Variants in MAP2 observed in about 807,000 individuals in gnomAD.
MAP2 encodes the protein microtubule-associated protein 2.
A neutral mutation model predicts 137.6 loss-of-function variants in MAP2; 14 were observed. The observed-to-expected ratio is 0.10, with a 90% CI of 0.07 to 0.16. The LOEUF (loss-of-function observed/expected upper bound fraction) is 0.16, where lower values mean the gene tolerates loss of function less well. Ranked by LOEUF, MAP2 falls within the 10% of genes least tolerant of loss-of-function variation. The pLI, the probability that MAP2 is intolerant of heterozygous loss-of-function variation, is 1.00. For missense variants in MAP2, 2,088 were observed against 2,191.5 expected (o/e 0.95, Z 0.94); for synonymous variants, 786 against 782.3 (o/e 1.00, Z -0.08).
intron 2 of MAP2, among the ~76,000 whole-genome samples, chr2:209,524,482 G>A (rs1300955732): frequency 6.6e-6 from 1 of 151,886 alleles, no homozygotes; most frequent in Non-Finnish European, 1.5e-5. Flanking sequence ...TATGTTAGTA[G>A]CCTCGAAACA....
At position 209,696,280 on chromosome 2, in the gene MAP2, C is replaced by A. The variant is rs147926728; in HGVS notation, c.4110C>A (p.Asp1370Glu). 1.9e-6 allele frequency: 3 copies of A among 1,604,516 alleles called. No homozygotes were observed. The highest frequency in any genetic ancestry group is 2.5e-6 in the Non-Finnish European group (3 of 1,177,170). ...ALSEYKTETY[D>E]DYKDETTIDD... ...CTGAATATAAGACAGAAACCTATGA[C>A]GATTACAAAGATGAGACCACCATTG... The change falls in exon 8 of 16, where the codon GAC (aspartate) becomes GAA (glutamate). Residue 1370 changes from aspartate to glutamate, a missense_variant. Physicochemically the swap from Asp to Glu is conservative, Grantham distance 45. Around this residue, in one of 6 missense-constraint regions of MAP2, gnomAD observed 591 missense variants for 642.6 expected, o/e 0.92. Coordinates refer to ENST00000682079, the MANE Select transcript of MAP2 (RefSeq NM_001375505.1).
At chr2:209,483,543 C>A (rs2057987403) in intron 1 of MAP2, among the ~76,000 whole-genome samples, 1 of 152,186 alleles carries the variant, frequency 6.6e-6, no homozygotes, top group South Asian at 2.1e-4. Flanking sequence ...CACCACACTC[C>A]AGCCTGGCTG....
intron 3 of MAP2, among the ~76,000 whole-genome samples, chr2:209,619,817 A>G (rs897585989): frequency 2.0e-5 from 3 of 152,086 alleles, no homozygotes; most frequent in Non-Finnish European, 4.4e-5. Context: ...TGAGATGGAG[A>G]TATTTATTGC....
At chr2:209,699,905 A>T (rs2061325567) in intron 10 of MAP2, among the ~76,000 whole-genome samples, 1 of 152,156 alleles carries the variant, frequency 6.6e-6, no homozygotes, top group African/African-American at 2.4e-5. Context: ...AACCCCAGAA[A>T]CCAATCAGTG....
At chr2:209,636,959 A>G (rs1015566333) in intron 4 of MAP2, among the ~76,000 whole-genome samples, 25 of 152,120 alleles carry the variant, frequency 1.6e-4, no homozygotes, top group South Asian at 4.1e-4. Context: ...AGAGCCTACA[A>G]AGACTTCCCA....
Position 209,696,251 on chromosome 2 carries a change from C to T in MAP2, c.4081C>T (p.Leu1361Phe), listed in dbSNP as rs769320606. ...TTCCCCTGAGAGAGAAGAGGTTGCA[C>T]TTTCTGAATATAAGACAGAAACCTA... ...PASPEREEVALSEYKTETYDD... is the reference protein window; with the variant it reads ...PASPEREEVAFSEYKTETYDD... The change falls in exon 8 of 16, where the codon CTT (leucine) becomes TTT (phenylalanine). Residue 1361 changes from leucine (L) to phenylalanine (F), a missense_variant. Around this residue, in one of 6 missense-constraint regions of MAP2, gnomAD observed 591 missense variants for 642.6 expected, o/e 0.92. Transcript: ENST00000682079. 45 of 1,612,904 alleles carry T rather than the reference C, an allele frequency of 2.8e-5. No individual in the cohort carries two copies. The South Asian group carries it at 4.8e-4, about 17-fold the overall frequency.
intron 4 of MAP2, among the ~76,000 whole-genome samples, chr2:209,641,794 T>A (rs921884664): frequency 1.3e-5 from 2 of 152,146 alleles, no homozygotes; most frequent in African/African-American, 4.8e-5. Context: ...TTATTAGTCC[T>A]CTGATATAAT....
At chr2:209,503,725 A>C (rs1464315576) in intron 1 of MAP2, among the ~76,000 whole-genome samples, 1 of 152,134 alleles carries the variant, frequency 6.6e-6, no homozygotes, top group Non-Finnish European at 1.5e-5. Flanking sequence ...TCTCACCACG[A>C]AGGGTATTTT....
intron 1 of MAP2, among the ~76,000 whole-genome samples, chr2:209,435,249 A>C (rs1158207890): frequency 6.7e-6 from 1 of 150,256 alleles, no homozygotes; most frequent in East Asian, 1.9e-4. Flanking sequence ...TAAAAATAAT[A>C]TAATTTACAA....
At chr2:209,512,584 CACACACACACACACACAA>C (rs751530229) in intron 2 of MAP2, among the ~76,000 whole-genome samples, 7,818 of 150,254 alleles carry the variant, frequency 0.052, 224 homozygotes, top group South Asian at 0.075. Flanking sequence ...CACACACACA[CACACACACACACACACAA>C]ACACATATAT....
intron 1 of MAP2, among the ~76,000 whole-genome samples, chr2:209,446,666 C>T (rs893404062): frequency 1.3e-5 from 2 of 151,822 alleles, no homozygotes; most frequent in Non-Finnish European, 2.9e-5. Context: ...GAGGTTCCAG[C>T]TGACTTTTCT....
At chr2:209,424,747 C>T (rs1692072777) in intron 1 of MAP2, among the ~76,000 whole-genome samples, 1 of 152,160 alleles carries the variant, frequency 6.6e-6, no homozygotes, top group South Asian at 2.1e-4. Flanking sequence ...TTGTCCATTT[C>T]AAATCATGTT....
intron 1 of MAP2, among the ~76,000 whole-genome samples, chr2:209,486,714 A>G (rs747033423): frequency 1.3e-5 from 2 of 152,246 alleles, no homozygotes; most frequent in Non-Finnish European, 2.9e-5. Flanking sequence ...AATTACAAAT[A>G]TAAGATTGTT....
At chr2:209,446,681 A>C (rs911857911) in intron 1 of MAP2, among the ~76,000 whole-genome samples, 3 of 151,780 alleles carry the variant, frequency 2.0e-5, no homozygotes, top group Non-Finnish European at 2.9e-5. Context: ...TTTTCTCCCC[A>C]CCCCATTTTG....
intron 3 of MAP2, among the ~76,000 whole-genome samples, chr2:209,619,587 C>G (rs1386180370): frequency 6.6e-6 from 1 of 151,846 alleles, no homozygotes; most frequent in Non-Finnish European, 1.5e-5. Context: ...CATTGCTGCT[C>G]AACGTTCCCT....
chr2:209,658,097 G>T lies in MAP2; in HGVS notation c.262+4665G>T, dbSNP rs560204647. Reference sequence around the variant, plus strand: ...CTCATCCTTAAGTTTCAGTTCCAGGGTTGGGGCCCAAACTCGTATTAGAAC... The same window carrying T: ...CTCATCCTTAAGTTTCAGTTCCAGGTTTGGGGCCCAAACTCGTATTAGAAC... On this transcript the variant is annotated intron_variant, in intron 5 of 15. Coordinates refer to ENST00000682079, the MANE Select transcript of MAP2 (RefSeq NM_001375505.1). Among the ~76,000 whole-genome samples, 8 of 152,236 alleles carry T rather than the reference G, an allele frequency of 5.3e-5. No individual in the cohort carries two copies. The East Asian group carries it at 1.5e-3, about 29-fold the overall frequency.
chr2:209,616,676 G>A lies in MAP2; in HGVS notation c.-106-8377G>A, dbSNP rs16843249. On this transcript the variant is annotated intron_variant, in intron 3 of 15. Coordinates refer to ENST00000682079, the MANE Select transcript of MAP2 (RefSeq NM_001375505.1). ...AAGTATTTGCTACCAAACAAGGGGT[G>A]TAGTGTAATAAGAAAACAGTCAGTC... is the stretch of plus-strand genomic sequence containing the variant. Among the ~76,000 whole-genome samples, 929 of 148,882 alleles carry A rather than the reference G, an allele frequency of 6.2e-3. 6 individuals are homozygous for A. The highest frequency in any genetic ancestry group is 0.022 in the African/African-American group (837 of 38,838).
chr2:209,700,694 T>C (rs900498111), intron 11 of MAP2, among the ~76,000 whole-genome samples: 1 of 152,172 alleles, frequency 6.6e-6, no homozygotes. Flanking sequence ...TACACTTTCA[T>C]TGTTTTTGTT....
chr2:209,492,066 T>A (rs1296733181), intron 1 of MAP2, among the ~76,000 whole-genome samples: 2 of 152,152 alleles, frequency 1.3e-5, no homozygotes. Context: ...GCAAACCAAA[T>A]CCAGCAGCAC....
Sources: allele counts gnomAD v4.1 joint callset (sites outside exome capture counted in the v4.1 genomes callset), GRCh38; gene constraint gnomAD v4.1.1; regional missense constraint gnomAD v4.1.1; transcripts MANE v1.5; gene names NCBI Gene and HGNC (gene_info 2026-07-23, HGNC 2026-07-21).